TTC6: variants seen among roughly 807,000 people sequenced by gnomAD.
TTC6 encodes tetratricopeptide repeat protein 6.
TTC6 carries 172 observed loss-of-function variants against 210.4 expected under a neutral mutation model. The observed-to-expected ratio is 0.82, with a 90% CI of 0.72 to 0.93. The LOEUF (loss-of-function observed/expected upper bound fraction) is 0.93, where lower values mean the gene tolerates loss of function less well. TTC6 is among the 40% of genes least tolerant of loss of function. The pLI, the probability that TTC6 is intolerant of heterozygous loss-of-function variation, is 0.00. For synonymous variants in TTC6, 804 were observed against 819.6 expected (o/e 0.98, Z 0.32); for missense variants, 2,414 against 2,318.1 (o/e 1.04, Z -0.85).
exon 31 of TTC6, chr14:37,842,374 C>T: frequency 7.9e-7 from 1 of 1,266,634 alleles, no homozygotes; most frequent in Admixed American, 2.9e-5. Context: ...AAAGGTTCTA[C>T]CATTTTCATT....
At chr14:37,665,291 A>G (rs1333963025) in intron 1 of TTC6, among the ~76,000 whole-genome samples, 2 of 150,806 alleles carry the variant, frequency 1.3e-5, no homozygotes, top group East Asian at 1.9e-4. Context: ...AATGTGGTAT[A>G]TATATACCAT....
Position 37,791,840 on chromosome 14 carries a change from C to T in TTC6, c.3558-424C>T, listed in dbSNP as rs1468277421. 5.3e-5 allele frequency among the ~76,000 whole-genome samples: 8 copies of T among 152,032 alleles called. No individual in the cohort carries two copies. In the East Asian group the frequency reaches 7.7e-4, roughly 15 times the overall value. ...TACAGAAAAGCTGTGTTAATATGTA[C>T]GTGGAGAGGATTTTAACCCCAAGCC... On this transcript the variant is annotated intron_variant, in intron 16 of 30. Coordinates refer to ENST00000553443, the Ensembl canonical transcript of TTC6.
intron 10 of TTC6, among the ~76,000 whole-genome samples, chr14:37,743,393 C>T (rs746942420): frequency 1.3e-5 from 2 of 152,168 alleles, no homozygotes; most frequent in Non-Finnish European, 2.9e-5. Context: ...AGTTACATAG[C>T]AAGATCTTGT....
intron 29 of TTC6, among the ~76,000 whole-genome samples, chr14:37,831,940 T>C (rs146928066): frequency 3.3e-5 from 5 of 152,312 alleles, no homozygotes; most frequent in African/African-American, 9.6e-5. Context: ...CAGCTTGATA[T>C]AAACCCACTT....
intron 10 of TTC6, among the ~76,000 whole-genome samples, chr14:37,740,634 C>T (rs1017163686): frequency 1.3e-5 from 2 of 152,240 alleles, no homozygotes; most frequent in African/African-American, 2.4e-5. Flanking sequence ...CCAACCATAG[C>T]GGAGAATGCC....
chr14:37,658,382 A>G (rs978379816), intron 1 of TTC6, among the ~76,000 whole-genome samples: 1 of 152,274 alleles, frequency 6.6e-6, no homozygotes, highest in Non-Finnish European at 1.5e-5. Context: ...CTTTGGAACA[A>G]AGGAGAGACC....
In TTC6 at chr14:37,822,135, T is replaced by C. The variant is rs562388451; in HGVS notation, c.4764-1612T>C. Among the ~76,000 whole-genome samples the C allele has an allele frequency of 2.0e-5, 3 of 152,298 alleles. No homozygotes were observed. The South Asian group carries it at 6.2e-4, about 32-fold the overall frequency. On this transcript the variant is annotated intron_variant, in intron 26 of 30. Transcript: ENST00000553443. The stretch of plus-strand genomic sequence containing the variant: ...CAATGGTGCAGCACTCAGGCTGTGT[T>C]CTGCAGAATAAAGTATCCAGCTCCA...
intron 18 of TTC6, 149 bp from the exon 21 acceptor site, chr14:37,796,145 T>C (rs1205738437): frequency 8.1e-6 from 3 of 371,854 alleles, no homozygotes; most frequent in African/African-American, 6.4e-5. Context: ...TTAGTTTATA[T>C]AAAATGTCTA....
intron 5 of TTC6, among the ~76,000 whole-genome samples, chr14:37,713,671 T>C (rs568871678): frequency 2.7e-4 from 41 of 152,326 alleles, no homozygotes; most frequent in Non-Finnish European, 5.3e-4. Flanking sequence ...TCAGGTATTT[T>C]AGTAGGTAAG....
In TTC6 at chr14:37,645,549, G is replaced by A. The variant is rs74317107; in HGVS notation, c.939+22546G>A. Among the ~76,000 whole-genome samples the A allele has an allele frequency of 8.2e-3, 1,251 of 152,280 alleles. 28 individuals are homozygous for A. The highest frequency in any genetic ancestry group is 0.029 in the African/African-American group (1,189 of 41,546). On this transcript the variant is annotated intron_variant, in intron 1 of 30. Transcript: ENST00000553443. ...CAGAGTGATAGAATAATGGGGAAGCGAGAGACATTTAAGTAAGATGATCAG... is the reference window on the plus strand; with the variant it reads ...CAGAGTGATAGAATAATGGGGAAGCAAGAGACATTTAAGTAAGATGATCAG...
intron 24 of TTC6, 36 bp downstream of exon 26, chr14:37,808,882 G>A: frequency 9.2e-7 from 1 of 1,084,476 alleles, no homozygotes; most frequent in Non-Finnish European, 1.4e-6. Context: ...TGTGTTTAAA[G>A]TGTTTAATAA....
chr14:37,636,035 A>T (rs1222956354), intron 1 of TTC6, among the ~76,000 whole-genome samples: 1 of 151,596 alleles, frequency 6.6e-6, no homozygotes, highest in Non-Finnish European at 1.5e-5. Flanking sequence ...GACAAACAGG[A>T]CTTTATAATA....
intron 26 of TTC6, among the ~76,000 whole-genome samples, chr14:37,820,956 T>TCTCCTCCTC (rs147457513): frequency 6.9e-6 from 1 of 144,924 alleles, no homozygotes; most frequent in Admixed American, 6.9e-5. Flanking sequence ...TCCTCCTCCT[T>TCTCCTCCTC]CTCCTCCTCC....
intron 4 of TTC6, 104 bp from the exon 7 acceptor site, chr14:37,701,228 T>G: frequency 2.8e-6 from 2 of 726,592 alleles, no homozygotes; most frequent in Non-Finnish European, 4.0e-6. Flanking sequence ...CTCCTCCATT[T>G]ATGTATGTCT....
intron 1 of TTC6, among the ~76,000 whole-genome samples, chr14:37,602,386 C>T (rs2095617336): frequency 6.6e-6 from 1 of 152,210 alleles, no homozygotes; most frequent in South Asian, 2.1e-4. Flanking sequence ...CTTACAGGAC[C>T]ACCAATCTCA....
At chr14:37,779,125 G>A (rs2096046978) in intron 14 of TTC6, among the ~76,000 whole-genome samples, 1 of 152,186 alleles carries the variant, frequency 6.6e-6, no homozygotes, top group Non-Finnish European at 1.5e-5. Context: ...GCAGGTTGCT[G>A]CTTTCCTGCT....
intron 1 of TTC6, among the ~76,000 whole-genome samples, chr14:37,678,785 C>T (rs1346029505): frequency 1.3e-5 from 2 of 152,042 alleles, no homozygotes; most frequent in Admixed American, 6.6e-5. Context: ...AACAAGAGGA[C>T]AGAAGTAGAA....
intron 6 of TTC6, among the ~76,000 whole-genome samples, chr14:37,720,260 C>A (rs2138797321): frequency 6.6e-6 from 1 of 152,128 alleles, no homozygotes. Context: ...GTACAGCCCT[C>A]TAGAAAGCAG....
chr14:37,779,679 A>C (rs2096048649), intron 14 of TTC6, among the ~76,000 whole-genome samples: 1 of 152,166 alleles, frequency 6.6e-6, no homozygotes, highest in Non-Finnish European at 1.5e-5. Context: ...AGAGGGCAAA[A>C]TTTTTTGAAA....
Sources: allele counts gnomAD v4.1 joint callset (sites outside exome capture counted in the v4.1 genomes callset), GRCh38; gene constraint gnomAD v4.1.1; transcripts MANE v1.5; gene names NCBI Gene and HGNC (gene_info 2026-07-23, HGNC 2026-07-21).